CEP295: variants seen among roughly 807,000 people sequenced by gnomAD.
The protein encoded by CEP295 is centrosomal protein 295, also known as centrosomal protein of 295 kDa.
A neutral mutation model predicts 291.6 loss-of-function variants in CEP295; 190 were observed. The ratio of observed to expected loss-of-function variants is 0.65; its 90% CI spans 0.58 to 0.73. CEP295 has a LOEUF of 0.73. Among genes scored for constraint, CEP295 ranks in the 30% least tolerant of loss-of-function variants. CEP295 has a pLI of 0.00. For synonymous variants in CEP295, 993 were observed against 1,038.8 expected, an observed-to-expected ratio of 0.96 and a Z score of 0.85; for missense variants, 2,863 against 2,949.4, an observed-to-expected ratio of 0.97 and a Z score of 0.68.
At position 93,698,096 on chromosome 11, in the gene CEP295, G is replaced by T; in HGVS notation, c.3184G>T (p.Glu1062Ter). ...PLHDSLKLLQ[E>*]QLTKQRDTLQ... ...ACATGATAGTTTGAAGTTGCTCCAA[G>T]AACAGTTGACTAAACAGAGGGATAC... The change falls in exon 15 of 30, where the codon GAA (glutamate) becomes TAA (stop). Residue 1062 changes from glutamate to a stop codon, truncating the protein, a stop_gained. Transcript: ENST00000325212. LOFTEE classifies it high-confidence loss of function. 6.4e-7 allele frequency: 1 copy of T among 1,552,114 alleles called. No individual in the cohort carries two copies. Among genetic ancestry groups the T allele is most frequent in the Non-Finnish European group, 8.7e-7 (1 of 1,147,086 alleles).
intron 5 of CEP295, among the ~76,000 whole-genome samples, chr11:93,675,367 G>T (rs1950636855): frequency 6.6e-6 from 1 of 152,066 alleles, no homozygotes; most frequent in Admixed American, 6.5e-5. Flanking sequence ...CCTTGAAGAT[G>T]ATTTGAAATA....
At chr11:93,728,598 A>G (rs1937744831) in intron 24 of CEP295, 83 bp from the exon 25 acceptor site, 1 of 1,259,992 alleles carries the variant, frequency 7.9e-7, no homozygotes, top group African/African-American at 1.6e-5. Flanking sequence ...CACTTGCAAA[A>G]AATGTGCATT....
At chr11:93,666,856 C>A in intron 2 of CEP295, 41 bp downstream of exon 2, 2 of 1,075,462 alleles carry the variant, frequency 1.9e-6, no homozygotes, top group Non-Finnish European at 1.4e-6. Flanking sequence ...TCCTTTCTTC[C>A]TCAAATTACT....
chr11:93,697,779 A>G lies in CEP295; in HGVS notation c.2867A>G (p.Gln956Arg). Residue 956 changes from glutamine to arginine, a missense_variant, in exon 15 of 30, where the codon CAG becomes CGG. By Grantham distance (43) the Gln-to-Arg change is conservative (BLOSUM62 1). Transcript: ENST00000325212. ...AATAATTTTAAATTTCTCCAAGAGC[A>G]GTTGAATATTCAGAAGGATAGCCTT... is the stretch of plus-strand genomic sequence containing the variant. The part of the protein sequence containing the change: ...QQNNFKFLQE[Q>R]LNIQKDSLQA... 6.4e-7 allele frequency: 1 copy of G among 1,551,750 alleles called. No individual in the cohort carries two copies. The highest frequency in any genetic ancestry group is 1.2e-5 in the South Asian group (1 of 84,066).
chr11:93,700,220 A>AG, intron 15 of CEP295, 34 bp downstream of exon 15: 1 of 1,483,140 alleles, frequency 6.7e-7, no homozygotes, highest in Non-Finnish European at 9.0e-7. Flanking sequence ...ATGAAACACT[A>AG]GAAGTTTAAA....
At chr11:93,702,274 CA>C (rs1952215657) in intron 15 of CEP295, among the ~76,000 whole-genome samples, 185 bp from the exon 16 acceptor site, 1 of 152,078 alleles carries the variant, frequency 6.6e-6, no homozygotes, top group African/African-American at 2.4e-5. Context: ...GTTGTATTTT[CA>C]ATGGAAATAT....
chr11:93,672,595 T>C (rs999297504), intron 5 of CEP295, among the ~76,000 whole-genome samples: 1 of 152,108 alleles, frequency 6.6e-6, no homozygotes, highest in Non-Finnish European at 1.5e-5. Context: ...GCATTTTTTT[T>C]CTTCTTTTCC....
At chr11:93,723,014 C>T (rs1460627366) in intron 20 of CEP295, 27 bp from the exon 21 acceptor site, 1 of 1,543,584 alleles carries the variant, frequency 6.5e-7, no homozygotes, top group Admixed American at 2.0e-5. Context: ...GGCCTATTTA[C>T]ATATTTTCAT....
chr11:93,682,770 C>A (rs1281116666), intron 7 of CEP295, among the ~76,000 whole-genome samples: 1 of 152,132 alleles, frequency 6.6e-6, no homozygotes, highest in Non-Finnish European at 1.5e-5. Flanking sequence ...CCTAATCATC[C>A]TTGCCCTCCA....
At chr11:93,721,888 G>A (rs1210820029) in intron 19 of CEP295, 66 bp from the exon 20 acceptor site, 2 of 1,024,612 alleles carry the variant, frequency 2.0e-6, no homozygotes, top group Admixed American at 1.7e-5. Flanking sequence ...TGCTGGGGTT[G>A]GTGATTTGGG....
chr11:93,689,195 C>CT (rs778785097), intron 10 of CEP295, among the ~76,000 whole-genome samples: 27 of 152,180 alleles, frequency 1.8e-4, no homozygotes, highest in Non-Finnish European at 3.2e-4. Flanking sequence ...TAGTGGTCCT[C>CT]TTAAAAACAA....
intron 1 of CEP295, among the ~76,000 whole-genome samples, chr11:93,663,214 C>T (rs1005928092): frequency 6.6e-6 from 1 of 152,204 alleles, no homozygotes; most frequent in Non-Finnish European, 1.5e-5. Flanking sequence ...CAGGCCTGTT[C>T]CTGAGAATCT....
intron 9 of CEP295, among the ~76,000 whole-genome samples, chr11:93,686,211 T>C (rs1266441457): frequency 6.6e-6 from 1 of 151,538 alleles, no homozygotes; most frequent in African/African-American, 2.4e-5. Context: ...CCCAGCTACA[T>C]GGGAGGCTGA....
chr11:93,701,438 G>A (rs981751786), intron 15 of CEP295, among the ~76,000 whole-genome samples: 1 of 152,180 alleles, frequency 6.6e-6, no homozygotes, highest in Non-Finnish European at 1.5e-5. Context: ...ATCCTTTGAT[G>A]TCGAGAAGAA....
chr11:93,700,322 A>G, intron 15 of CEP295, 136 bp downstream of exon 15: 1 of 810,042 alleles, frequency 1.2e-6, no homozygotes. Context: ...TTCACCCTAA[A>G]TGATGTGGAA....
At chr11:93,716,304 T>TCC (rs1010549495) in intron 18 of CEP295, among the ~76,000 whole-genome samples, 3 of 152,016 alleles carry the variant, frequency 2.0e-5, no homozygotes, top group African/African-American at 7.3e-5. Flanking sequence ...GAGCTCTCCT[T>TCC]CCCCCAAGCA....
At chr11:93,681,825 G>A (rs996780776) in intron 7 of CEP295, among the ~76,000 whole-genome samples, 2 of 150,630 alleles carry the variant, frequency 1.3e-5, no homozygotes, top group Non-Finnish European at 2.9e-5. Flanking sequence ...GGGATTACAG[G>A]TGTGGGCCAC....
At chr11:93,713,491 G>A (rs113995098) in intron 18 of CEP295, among the ~76,000 whole-genome samples, 3 of 152,086 alleles carry the variant, frequency 2.0e-5, no homozygotes, top group South Asian at 4.1e-4. Context: ...CATGCCACTC[G>A]CTCCTGGCCT....
chr11:93,690,085 A>G (rs1272475181), intron 10 of CEP295, among the ~76,000 whole-genome samples: 1 of 152,020 alleles, frequency 6.6e-6, no homozygotes, highest in Non-Finnish European at 1.5e-5. Flanking sequence ...AAAAAAGGGA[A>G]CTCTCATAGT....
Sources: gnomAD v4.1 joint callset for allele counts (sites outside exome capture counted in the v4.1 genomes callset) on GRCh38, gnomAD v4.1.1 for gene constraint, MANE v1.5 for transcripts, NCBI Gene and HGNC (gene_info 2026-07-23, HGNC 2026-07-21) for gene names.